UNC13C: variants seen among roughly 807,000 people sequenced by gnomAD.
UNC13C encodes unc-13 homolog C.
In UNC13C, 174 loss-of-function variants were observed where a neutral mutation model predicts 245.4. The observed-to-expected ratio is 0.71, with a 90% CI of 0.63 to 0.80. The LOEUF (loss-of-function observed/expected upper bound fraction) is 0.80. UNC13C is among the 30% of genes least tolerant of loss of function. The pLI, the probability that UNC13C is intolerant of heterozygous loss-of-function variation, is 0.00. For synonymous variants in UNC13C, 992 were observed against 895.1 expected (o/e 1.11, Z -1.93); for missense variants, 2,829 against 2,602.9 (o/e 1.09, Z -1.89).
At chr15:54,623,676 G>A in intron 31 of UNC13C, 119 bp from the exon 32 acceptor site, 1 of 851,430 alleles carries the variant, frequency 1.2e-6, no homozygotes, top group Non-Finnish European at 1.8e-6. Flanking sequence ...GGAGTACAGT[G>A]TCTTGTCAGT....
intron 4 of UNC13C, among the ~76,000 whole-genome samples, chr15:54,180,658 T>A (rs2033767297): frequency 6.6e-6 from 1 of 152,000 alleles, no homozygotes; most frequent in African/African-American, 2.4e-5. Context: ...CTCACCAGCA[T>A]CTGTTGTTTT....
At position 54,015,052 on chromosome 15, in the gene UNC13C, G is replaced by A; in HGVS notation, c.2149G>A (p.Asp717Asn). 1.2e-6 allele frequency: 2 copies of A among 1,613,000 alleles called. No homozygotes were observed. The highest frequency in any genetic ancestry group is 1.7e-6 in the Non-Finnish European group (2 of 1,179,508). Residue 717 changes from aspartate (D) to asparagine (N), a missense_variant, in exon 2 of 33, where the codon GAT becomes AAT. By Grantham distance (23) the Asp-to-Asn change is conservative (BLOSUM62 1). Transcript: ENST00000260323. ...CTCAGAGAGCTACGACTTAACTCAA[G>A]ATGACAATTCTTCTCCATGCCCTGG... is the stretch of plus-strand genomic sequence containing the variant. ...DDSESYDLTQ[D>N]DNSSPCPGLD...
intron 30 of UNC13C, among the ~76,000 whole-genome samples, chr15:54,572,816 G>A (rs552392994): frequency 1.3e-5 from 2 of 152,148 alleles, no homozygotes; most frequent in South Asian, 2.1e-4. Flanking sequence ...TAATCAAAAT[G>A]TGTGTTGTAT....
intron 29 of UNC13C, among the ~76,000 whole-genome samples, chr15:54,567,036 C>G (rs1397356545): frequency 6.6e-6 from 1 of 151,986 alleles, no homozygotes; most frequent in Admixed American, 6.6e-5. Flanking sequence ...ATCCTTAGTT[C>G]TATCATATAT....
At chr15:54,494,093 T>G (rs1893843556) in intron 19 of UNC13C, among the ~76,000 whole-genome samples, 1 of 152,136 alleles carries the variant, frequency 6.6e-6, no homozygotes, top group Non-Finnish European at 1.5e-5. Context: ...ATCTACTCAC[T>G]TCATATCTCC....
chr15:54,500,350 C>T (rs1428040342), intron 21 of UNC13C, among the ~76,000 whole-genome samples, 175 bp downstream of exon 21: 1 of 146,952 alleles, frequency 6.8e-6, no homozygotes, highest in Non-Finnish European at 1.5e-5. Flanking sequence ...AACTTGCCTA[C>T]ATTTATTAAA....
chr15:54,106,560 T>C (rs897300877), intron 2 of UNC13C, among the ~76,000 whole-genome samples: 5 of 152,206 alleles, frequency 3.3e-5, no homozygotes, highest in Admixed American at 1.3e-4. Context: ...TGCTCTTCTT[T>C]AGTTTCAGCA....
chr15:53,926,214 G>C, the UNC13C span, among the ~76,000 whole-genome samples: 1 of 151,698 alleles, frequency 6.6e-6, no homozygotes, highest in African/African-American at 2.4e-5. Flanking sequence ...TATTTTCCCA[G>C]AGTTTAATAC....
Position 54,250,329 on chromosome 15 carries a change from T to C in UNC13C, c.3333T>C (p.Cys1111=), listed in dbSNP as rs762517220. The C allele has an allele frequency of 6.2e-7, 1 of 1,613,868 alleles. No individual in the cohort carries two copies. The highest frequency in any genetic ancestry group is 1.7e-5 in the Admixed American group (1 of 59,996). The change falls in exon 8 of 33, where the codon TGT becomes TGC. Residue 1111 remains cysteine, a synonymous_variant. Coordinates refer to ENST00000260323, the MANE Select transcript of UNC13C (RefSeq NM_001080534.3). ...EVWTATTPTY[C]YECEGLLWGI... Reference sequence around the variant, plus strand: ...GGACGGCTACCACACCCACCTACTGTTATGAGTGTGAAGGGCTCCTGTGGG... The same window carrying C: ...GGACGGCTACCACACCCACCTACTGCTATGAGTGTGAAGGGCTCCTGTGGG...
chr15:54,333,703 G>C, intron 15 of UNC13C, 64 bp from the exon 16 acceptor site: 1 of 1,059,924 alleles, frequency 9.4e-7, no homozygotes, highest in South Asian at 1.4e-5. Flanking sequence ...GCTAGTTTTA[G>C]TTTATTTTCC....
At chr15:54,473,522 C>G (rs548801519) in intron 19 of UNC13C, among the ~76,000 whole-genome samples, 1 of 151,812 alleles carries the variant, frequency 6.6e-6, no homozygotes, top group East Asian at 1.9e-4. Flanking sequence ...CTACCCTTCT[C>G]AGCCTCTTAT....
intron 4 of UNC13C, among the ~76,000 whole-genome samples, chr15:54,171,423 G>A (rs932898940): frequency 3.3e-5 from 5 of 150,868 alleles, no homozygotes; most frequent in African/African-American, 1.2e-4. Flanking sequence ...CTAATAATCC[G>A]ATTAAAAAAA....
chr15:54,334,661 A>AT (rs1220235823), intron 16 of UNC13C, among the ~76,000 whole-genome samples: 3 of 152,166 alleles, frequency 2.0e-5, no homozygotes, highest in African/African-American at 7.2e-5. Flanking sequence ...TTAAAGTTGA[A>AT]TTAAAATTCA....
chr15:54,167,599 T>C (rs953349626), intron 4 of UNC13C, among the ~76,000 whole-genome samples: 1 of 23,546 alleles, frequency 4.2e-5, no homozygotes, highest in African/African-American at 1.8e-4. Flanking sequence ...AGTATCCAAA[T>C]AGGAAAAAAA....
chr15:53,854,122 G>GTTTTTTTT, the UNC13C span, among the ~76,000 whole-genome samples: 1 of 133,572 alleles, frequency 7.5e-6, no homozygotes, highest in African/African-American at 2.8e-5. Flanking sequence ...GTTTTTATAG[G>GTTTTTTTT]TTTTTTTTTT....
chr15:54,079,078 C>T (rs1159558220), intron 2 of UNC13C, among the ~76,000 whole-genome samples: 3 of 151,854 alleles, frequency 2.0e-5, no homozygotes, highest in Non-Finnish European at 2.9e-5. Flanking sequence ...GTTCCTCTCT[C>T]TTTGTCTATT....
At chr15:54,072,162 C>CTAGAAT (rs1406422666) in intron 2 of UNC13C, among the ~76,000 whole-genome samples, 1 of 152,070 alleles carries the variant, frequency 6.6e-6, no homozygotes, top group Non-Finnish European at 1.5e-5. Context: ...TATGGCTGAC[C>CTAGAAT]TAGAATTAAT....
At chr15:54,478,866 T>G (rs965703349) in intron 19 of UNC13C, among the ~76,000 whole-genome samples, 1 of 152,094 alleles carries the variant, frequency 6.6e-6, no homozygotes, top group Non-Finnish European at 1.5e-5. Flanking sequence ...TGAGTATCCT[T>G]GTTAACTTTC....
chr15:54,190,078 G>A (rs1351218073), intron 4 of UNC13C, among the ~76,000 whole-genome samples: 1 of 152,200 alleles, frequency 6.6e-6, no homozygotes, highest in Non-Finnish European at 1.5e-5. Context: ...GGTTTCTAAG[G>A]TAATGGATAA....
Sources: gnomAD v4.1 joint callset for allele counts (sites outside exome capture counted in the v4.1 genomes callset) on GRCh38, gnomAD v4.1.1 for gene constraint, MANE v1.5 for transcripts, NCBI Gene and HGNC (gene_info 2026-07-23, HGNC 2026-07-21) for gene names.